PPARGC1A: variants seen among roughly 807,000 people sequenced by gnomAD.
The protein encoded by PPARGC1A is peroxisome proliferator-activated receptor gamma coactivator 1-alpha.
In PPARGC1A, 25 loss-of-function variants were observed where a neutral mutation model predicts 88.7. The ratio of observed to expected loss-of-function variants is 0.28; its 90% confidence interval spans 0.21 to 0.39. The LOEUF is 0.39. PPARGC1A is among the 10% of genes least tolerant of loss of function. PPARGC1A has a pLI of 1.00. For synonymous variants in PPARGC1A, 363 were observed against 355.6 expected, an observed-to-expected ratio of 1.02 and a Z score of -0.24; for missense variants, 880 against 968.7, an observed-to-expected ratio of 0.91 and a Z score of 1.22.
At chr4:23,988,636 T>TATAG in the PPARGC1A span, among the ~76,000 whole-genome samples, 1 of 14,586 alleles carries the variant, frequency 6.9e-5, no homozygotes, top group Non-Finnish European at 1.2e-4. Context: ...GAAATTTATA[T>TATAG]ACAGAGATAG....
the PPARGC1A span, among the ~76,000 whole-genome samples, chr4:24,392,547 C>T: frequency 6.6e-6 from 1 of 152,174 alleles, no homozygotes; most frequent in Non-Finnish European, 1.5e-5. Flanking sequence ...AAGCTGCCTC[C>T]CATTTTTATC....
chr4:24,297,324 C>G, the PPARGC1A span, among the ~76,000 whole-genome samples: 1 of 152,134 alleles, frequency 6.6e-6, no homozygotes, highest in African/African-American at 2.4e-5. Flanking sequence ...CCCAGGATTC[C>G]TCTTCCATAA....
At chr4:24,132,417 A>G in the PPARGC1A span, among the ~76,000 whole-genome samples, 1 of 152,134 alleles carries the variant, frequency 6.6e-6, no homozygotes, top group Non-Finnish European at 1.5e-5. Flanking sequence ...CTTTGCTGGG[A>G]CAATGAATAG....
At chr4:23,930,007 A>C in the PPARGC1A span, among the ~76,000 whole-genome samples, 3 of 152,148 alleles carry the variant, frequency 2.0e-5, no homozygotes, top group African/African-American at 7.2e-5. Flanking sequence ...CCTCTCCTAT[A>C]GATTTGCAGA....
At chr4:24,086,526 C>A in the PPARGC1A span, among the ~76,000 whole-genome samples, 12 of 152,276 alleles carry the variant, frequency 7.9e-5, no homozygotes, top group African/African-American at 2.9e-4. Context: ...CATGCAACTC[C>A]CAAGATAGAT....
chr4:23,878,824 A>C (rs1055542776), intron 2 of PPARGC1A, among the ~76,000 whole-genome samples: 1 of 152,226 alleles, frequency 6.6e-6, no homozygotes, highest in Admixed American at 6.5e-5. Flanking sequence ...CAGAATTTGG[A>C]ATTTTGTGGT....
chr4:24,302,767 C>T, the PPARGC1A span, among the ~76,000 whole-genome samples: 6 of 152,186 alleles, frequency 3.9e-5, no homozygotes, highest in Admixed American at 3.9e-4. Context: ...AGGAATTATC[C>T]ATCCAAAGGG....
At chr4:24,186,369 G>T in the PPARGC1A span, among the ~76,000 whole-genome samples, 1 of 152,116 alleles carries the variant, frequency 6.6e-6, no homozygotes, top group Non-Finnish European at 1.5e-5. Context: ...CTACAGCTGT[G>T]CCTCCCATGA....
chr4:24,350,088 T>G, the PPARGC1A span, among the ~76,000 whole-genome samples: 1 of 152,040 alleles, frequency 6.6e-6, no homozygotes, highest in Non-Finnish European at 1.5e-5. Flanking sequence ...CAGTGGGGGG[T>G]GTGTTCGGGA....
the PPARGC1A span, among the ~76,000 whole-genome samples, chr4:24,145,747 G>A: frequency 4.6e-5 from 7 of 152,268 alleles, no homozygotes; most frequent in Admixed American, 6.5e-5. Flanking sequence ...AATTCCAGAC[G>A]CATAACAAAC....
the PPARGC1A span, among the ~76,000 whole-genome samples, chr4:24,372,708 C>T: frequency 1.8e-4 from 27 of 152,212 alleles, no homozygotes; most frequent in African/African-American, 6.5e-4. Context: ...GGTTTTGAAT[C>T]TCACTGTGTG....
chr4:24,275,378 C>T, the PPARGC1A span, among the ~76,000 whole-genome samples: 1 of 152,120 alleles, frequency 6.6e-6, no homozygotes, highest in Non-Finnish European at 1.5e-5. Flanking sequence ...CATTATGACG[C>T]CTATTACAGA....
At chr4:23,882,050 C>G (rs1716043985) in intron 2 of PPARGC1A, 1 of 152,248 alleles carries the variant, frequency 6.6e-6, no homozygotes, top group Admixed American at 6.5e-5. Context: ...GAGTTTAACA[C>G]TAGAGGGCAA....
In PPARGC1A at chr4:23,821,489, G is replaced by T. The variant is rs116075833; in HGVS notation, c.877+2791C>A. On this transcript the variant is annotated intron_variant, in intron 7 of 12. Coordinates refer to ENST00000264867, the MANE Select transcript of PPARGC1A (RefSeq NM_013261.5). ...GTGAAAATAGTAGGGGGTGGGGGAG[G>T]CACAGAAAAAGAATAAATAACTTCA... Among the ~76,000 whole-genome samples the T allele has an allele frequency of 3.7e-3, 566 of 151,846 alleles. 3 individuals are homozygous for T. The highest frequency in any genetic ancestry group is 0.013 in the African/African-American group (523 of 41,412).
chr4:24,092,131 T>G, the PPARGC1A span, among the ~76,000 whole-genome samples: 1 of 152,028 alleles, frequency 6.6e-6, no homozygotes, highest in Non-Finnish European at 1.5e-5. Flanking sequence ...AATAGCAAGC[T>G]CCTTTGGGTG....
chr4:24,125,564 C>T, the PPARGC1A span, among the ~76,000 whole-genome samples: 6 of 152,154 alleles, frequency 3.9e-5, no homozygotes, highest in African/African-American at 9.7e-5. Flanking sequence ...TGGAAAACTC[C>T]ACTCCTGCAT....
At chr4:23,831,410 C>A in intron 3 of PPARGC1A, 147 bp downstream of exon 3, 2 of 636,466 alleles carry the variant, frequency 3.1e-6, no homozygotes, top group African/African-American at 1.8e-5. Context: ...GAGAATCACA[C>A]AATTTGCAAC....
At chr4:23,846,075 A>C (rs1448004394) in intron 2 of PPARGC1A, among the ~76,000 whole-genome samples, 2 of 152,226 alleles carry the variant, frequency 1.3e-5, no homozygotes, top group African/African-American at 4.8e-5. Context: ...GTTTGATAAC[A>C]GGATAAAAAA....
the PPARGC1A span, among the ~76,000 whole-genome samples, chr4:24,199,046 C>T: frequency 6.6e-6 from 1 of 152,126 alleles, no homozygotes; most frequent in East Asian, 1.9e-4. Context: ...TCCTTCTTTC[C>T]CTGCTGTTTT....
Sources: allele counts gnomAD v4.1 joint callset (sites outside exome capture counted in the v4.1 genomes callset), GRCh38; gene constraint gnomAD v4.1.1; transcripts MANE v1.5; gene names NCBI Gene and HGNC (gene_info 2026-07-23, HGNC 2026-07-21).